Variants in ITPRID1 observed in about 807,000 individuals in gnomAD.
The protein encoded by ITPRID1 is ITPR interacting domain containing 1.
In ITPRID1, 96 loss-of-function variants were observed where a neutral mutation model predicts 95.4. The ratio of observed to expected loss-of-function variants is 1.01; its 90% CI spans 0.85 to 1.19. The LOEUF is 1.19. Ranked by LOEUF, ITPRID1 falls within the 50% of genes most tolerant of loss-of-function variation. The probability of loss-of-function intolerance (pLI) is 0.00; values close to 1 mark genes in which losing one functional copy is unlikely to be tolerated. For missense variants in ITPRID1, 1,339 were observed against 1,252.9 expected, an observed-to-expected ratio of 1.07 and a Z score of -1.04; for synonymous variants, 510 against 453.6, an observed-to-expected ratio of 1.12 and a Z score of -1.58.
At chr7:31,621,480 C>A in intron 10 of ITPRID1, among the ~76,000 whole-genome samples, 1 of 138,552 alleles carries the variant, frequency 7.2e-6, no homozygotes, top group Non-Finnish European at 1.5e-5. Flanking sequence ...GAATTTTCAA[C>A]CCAGAATTTC....
At chr7:31,588,964 A>G (rs1476377270) in intron 10 of ITPRID1, among the ~76,000 whole-genome samples, 4 of 152,114 alleles carry the variant, frequency 2.6e-5, no homozygotes, top group African/African-American at 9.6e-5. Context: ...ACATGAAGAA[A>G]TAAGAAAATA....
chr7:31,652,608 T>C lies in ITPRID1; in HGVS notation c.2914T>C (p.Cys972Arg). The change falls in exon 15 of 15, where the codon TGT (cysteine) becomes CGT (arginine). Residue 972 changes from cysteine (C) to arginine (R), a missense_variant. Transcript: ENST00000615280. ...AGAAGAAAGCAATGGGCAGACTTCATGTTCTAAAATCCACCCAGGCATGGC... is the reference window on the plus strand; with the variant it reads ...AGAAGAAAGCAATGGGCAGACTTCACGTTCTAAAATCCACCCAGGCATGGC... ...WIEESNGQTS[C>R]SKIHPGMAPR... 6.2e-7 allele frequency: 1 copy of C among 1,613,442 alleles called. No individual in the cohort carries two copies. The highest frequency in any genetic ancestry group is 8.5e-7 in the Non-Finnish European group (1 of 1,179,714).
intron 10 of ITPRID1, among the ~76,000 whole-genome samples, chr7:31,625,278 T>C (rs895869064): frequency 1.2e-5 from 1 of 84,448 alleles, no homozygotes; most frequent in African/African-American, 4.2e-5. Flanking sequence ...ACTGGGTATA[T>C]ACCCAAAGGA....
intron 1 of ITPRID1, among the ~76,000 whole-genome samples, chr7:31,516,496 A>T (rs1181934449): frequency 6.6e-6 from 1 of 152,178 alleles, no homozygotes; most frequent in Non-Finnish European, 1.5e-5. Context: ...AATCCCAGGG[A>T]GGGTAGTAGA....
At chr7:31,646,361 G>T (rs868513752) in intron 12 of ITPRID1, among the ~76,000 whole-genome samples, 1 of 152,156 alleles carries the variant, frequency 6.6e-6, no homozygotes, top group Non-Finnish European at 1.5e-5. Context: ...TCTGGGGATT[G>T]AAAGTGTGAG....
intron 9 of ITPRID1, among the ~76,000 whole-genome samples, chr7:31,578,770 G>A (rs184762858): frequency 6.6e-6 from 1 of 152,032 alleles, no homozygotes; most frequent in Admixed American, 6.5e-5. Context: ...TATCTTCTTC[G>A]AGGATCAGTT....
chr7:31,636,479 C>A (rs1041467665), intron 10 of ITPRID1, among the ~76,000 whole-genome samples: 3 of 152,138 alleles, frequency 2.0e-5, no homozygotes, highest in African/African-American at 7.2e-5. Flanking sequence ...GTTTGTTGTA[C>A]AAGTCTTGCA....
At chr7:31,588,692 T>C (rs534514812) in intron 10 of ITPRID1, among the ~76,000 whole-genome samples, 1 of 133,822 alleles carries the variant, frequency 7.5e-6, no homozygotes, top group African/African-American at 2.8e-5. Flanking sequence ...TTTGAGGAAA[T>C]GATAATAGCT....
chr7:31,650,057 A>G (rs914520998), intron 12 of ITPRID1, among the ~76,000 whole-genome samples: 3 of 152,224 alleles, frequency 2.0e-5, no homozygotes, highest in African/African-American at 7.2e-5. Context: ...AGCCAGCAGT[A>G]ACTGAAGTTA....
rs1375131744 is a variant in ITPRID1, at chr7:31,623,962, T to C, written c.1229-18214T>C. Among the ~76,000 whole-genome samples the C allele has an allele frequency of 3.3e-5, 5 of 149,542 alleles. No homozygotes were observed. In the East Asian group the frequency reaches 1.0e-3, roughly 30 times the overall value. On this transcript the variant is annotated intron_variant, in intron 10 of 14. Coordinates refer to ENST00000615280, the MANE Select transcript of ITPRID1 (RefSeq NM_001257967.3). ...ATCAATGTACAAAAATCACAAGCAT[T>C]CTTATACACCAATAACAGACAAACA... is the stretch of plus-strand genomic sequence containing the variant.
rs1791202404 is a variant in ITPRID1, at chr7:31,654,569, C to T, written c.*1740C>T. Among the ~76,000 whole-genome samples, 1 of 152,130 alleles carries T rather than the reference C, an allele frequency of 6.6e-6. No homozygotes were observed. Among genetic ancestry groups the T allele is most frequent in the African/African-American group, 2.4e-5 (1 of 41,434 alleles). On this transcript the variant is annotated 3_prime_UTR_variant, in exon 15 of 15. Transcript: ENST00000615280. ...AGAGTGCCCAGCTAGGAGGCTGTTGCTGTCATCCCCAAGGTGAGAAGCAAA... is the reference window on the plus strand; with the variant it reads ...AGAGTGCCCAGCTAGGAGGCTGTTGTTGTCATCCCCAAGGTGAGAAGCAAA...
intron 1 of ITPRID1, among the ~76,000 whole-genome samples, chr7:31,519,616 CTCTCTATATATA>C (rs1330706226): frequency 1.8e-4 from 7 of 38,478 alleles, no homozygotes; most frequent in Admixed American, 3.4e-4. Context: ...CTCTCTCTCT[CTCTCTATATATA>C]TATATATATA....
chr7:31,636,553 A>G (rs1789498963), intron 10 of ITPRID1, among the ~76,000 whole-genome samples: 1 of 152,124 alleles, frequency 6.6e-6, no homozygotes, highest in Non-Finnish European at 1.5e-5. Context: ...ACCAAGGCTC[A>G]ACCTCTTCTG....
In ITPRID1 at chr7:31,553,142, C is replaced by G. The variant is rs1320251313; in HGVS notation, c.118C>G (p.Pro40Ala). 4.4e-6 allele frequency: 7 copies of G among 1,592,426 alleles called. No individual in the cohort carries two copies. The highest frequency in any genetic ancestry group is 1.3e-5 in the African/African-American group (1 of 74,622). The change falls in exon 3 of 15, where the codon CCT becomes GCT. Residue 40 changes from proline (P) to alanine (A), a missense_variant. By Grantham distance (27) the Pro-to-Ala change is conservative. Coordinates refer to ENST00000615280, the MANE Select transcript of ITPRID1 (RefSeq NM_001257967.3). ...AWAPLDEWLP[P>A]DPEEESQSLT... ...GGCTCCGCTGGATGAGTGGCTGCCC[C>G]CTGACCCTGAGGAGGAAAGCCAGAG...
At chr7:31,522,915 A>T (rs529247886) in intron 1 of ITPRID1, among the ~76,000 whole-genome samples, 2 of 152,216 alleles carry the variant, frequency 1.3e-5, no homozygotes, top group Non-Finnish European at 2.9e-5. Context: ...ATAGGGAGAA[A>T]ATAAGGGGTT....
chr7:31,601,810 G>A (rs966110646), intron 10 of ITPRID1, among the ~76,000 whole-genome samples: 1 of 152,190 alleles, frequency 6.6e-6, no homozygotes, highest in Non-Finnish European at 1.5e-5. Context: ...GCATATGGAA[G>A]AGGGATAACC....
intron 13 of ITPRID1, 127 bp downstream of exon 13, chr7:31,651,396 G>A (rs759154019): frequency 1.1e-4 from 122 of 1,124,236 alleles, no homozygotes; most frequent in Non-Finnish European, 1.4e-4. Flanking sequence ...CTTTTCCTTT[G>A]CTTTCTTGGT....
chr7:31,554,652 T>A, intron 4 of ITPRID1, 129 bp downstream of exon 4: 1 of 1,154,696 alleles, frequency 8.7e-7, no homozygotes, highest in South Asian at 1.5e-5. Context: ...ACGTGAAGTA[T>A]TATTCTATTA....
At chr7:31,609,012 G>T (rs1786746617) in intron 10 of ITPRID1, among the ~76,000 whole-genome samples, 1 of 151,584 alleles carries the variant, frequency 6.6e-6, no homozygotes, top group South Asian at 2.1e-4. Flanking sequence ...TTCCTAGTTT[G>T]TTGGGTGTTC....
Sources: gnomAD v4.1 joint callset for allele counts (sites outside exome capture counted in the v4.1 genomes callset) on GRCh38, gnomAD v4.1.1 for gene constraint, MANE v1.5 for transcripts, NCBI Gene and HGNC (gene_info 2026-07-23, HGNC 2026-07-21) for gene names.